KIAA1549: variants seen among roughly 807,000 people sequenced by gnomAD.
The protein encoded by KIAA1549 is UPF0606 protein KIAA1549.
KIAA1549 carries 70 observed loss-of-function variants against 156.4 expected under a neutral mutation model. That is an observed-to-expected ratio of 0.45 (90% CI 0.37 to 0.55). The LOEUF (loss-of-function observed/expected upper bound fraction) is 0.55, where lower values mean the gene tolerates loss of function less well. Ranked by LOEUF, KIAA1549 falls within the 20% of genes least tolerant of loss-of-function variation. The pLI, the probability that KIAA1549 is intolerant of heterozygous loss-of-function variation, is 0.00. For missense variants in KIAA1549, 2,428 were observed against 2,540.9 expected (o/e 0.96, Z 0.96); for synonymous variants, 1,103 against 1,066.4 (o/e 1.03, Z -0.67).
At position 138,917,123 on chromosome 7, in the gene KIAA1549, C is replaced by A; in HGVS notation, c.2503G>T (p.Gly835Cys). 1.2e-6 allele frequency: 2 copies of A among 1,612,860 alleles called. No homozygotes were observed. The highest frequency in any genetic ancestry group is 8.5e-7 in the Non-Finnish European group (1 of 1,179,440). Residue 835 changes from glycine to cysteine, a missense_variant, in exon 2 of 20, where the codon GGT (glycine) becomes TGT (cysteine). By Grantham distance (159) the Gly-to-Cys change is radical. Around this residue, in one of 5 missense-constraint regions of KIAA1549, gnomAD observed 762 missense variants for 901.6 expected, o/e 0.85. Coordinates refer to ENST00000422774, the MANE Select transcript of KIAA1549 (RefSeq NM_001164665.2). ...TACGCGTCAGTGATCAACACCGTAC[C>A]AGTGGGAATGGCTTTGGAGAAAGAG... The part of the protein sequence containing the change: ...LASFSKAIPT[G>C]TVLITDAYLP...
intron 1 of KIAA1549, among the ~76,000 whole-genome samples, chr7:138,966,437 T>TCACACAATC (rs1814028023): frequency 1.3e-5 from 2 of 151,888 alleles, no homozygotes; most frequent in African/African-American, 4.8e-5. Context: ...AGTATTAAAC[T>TCACACAATC]CACACAATCC....
intron 1 of KIAA1549, among the ~76,000 whole-genome samples, chr7:138,958,929 T>C (rs189446161): frequency 2.6e-3 from 397 of 152,284 alleles, no homozygotes; most frequent in African/African-American, 9.0e-3. Flanking sequence ...AGATAGAGTG[T>C]TGCTCTGTCA....
chr7:138,968,459 A>G (rs752436803), intron 1 of KIAA1549, among the ~76,000 whole-genome samples: 7 of 152,226 alleles, frequency 4.6e-5, no homozygotes, highest in Non-Finnish European at 1.0e-4. Context: ...GCAGCGATAT[A>G]TATTTTTAAA....
In KIAA1549 at chr7:138,831,542, G is replaced by A. The variant is rs1409783717; in HGVS notation, c.*6364C>T. The A allele has an allele frequency of 9.0e-6, 2 of 222,906 alleles. No homozygotes were observed. Among genetic ancestry groups the A allele is most frequent in the Non-Finnish European group, 1.8e-5 (2 of 111,656 alleles). The allele number at this position is 222,906 out of a possible 1,614,324, so 13.8% of individuals were successfully genotyped here. A position where few individuals can be genotyped will look rare whatever the true frequency, so the allele number is the denominator to read the frequency against. On this transcript the variant is annotated 3_prime_UTR_variant, in exon 20 of 20. Coordinates refer to ENST00000422774, the MANE Select transcript of KIAA1549 (RefSeq NM_001164665.2). ...TATTGAAGGATAGAAACATAAAACC[G>A]ACAAATAGAAGGGAGGGGCCGATTA... is the stretch of plus-strand genomic sequence containing the variant.
Position 138,905,004 on chromosome 7 carries a change from T to C in KIAA1549, c.3520+18A>G. The C allele has an allele frequency of 1.3e-6, 2 of 1,508,118 alleles. No homozygotes were observed. Among genetic ancestry groups the C allele is most frequent in the Non-Finnish European group, 1.8e-6 (2 of 1,104,892 alleles). 93.4% of individuals were successfully genotyped at this position (1,508,118 alleles called of 1,614,324 possible). On this transcript the variant is annotated intron_variant, in intron 7 of 19. Coordinates refer to ENST00000422774, the MANE Select transcript of KIAA1549 (RefSeq NM_001164665.2). The stretch of plus-strand genomic sequence containing the variant: ...CTTCTCCTTACAGTTCCCAAAATAT[T>C]ACATAAGTTAAACATACCTGTTCTG...
intron 10 of KIAA1549, 76 bp downstream of exon 10, chr7:138,894,266 C>A: frequency 7.2e-7 from 1 of 1,394,454 alleles, no homozygotes; most frequent in Non-Finnish European, 1.0e-6. Context: ...CTTTCAGTAT[C>A]AAGAGCCCAA....
At chr7:138,846,346 C>T (rs2130338812) in intron 17 of KIAA1549, among the ~76,000 whole-genome samples, 1 of 152,096 alleles carries the variant, frequency 6.6e-6, no homozygotes, top group South Asian at 2.1e-4. Flanking sequence ...ACCAGCCTGG[C>T]CAACATGGTG....
chr7:138,918,375 TGG>T lies in KIAA1549; in HGVS notation c.1249_1250del (p.Pro417IlefsTer49). 6.2e-7 allele frequency: 1 copy of T among 1,613,970 alleles called. No homozygotes were observed. The highest frequency in any genetic ancestry group is 1.1e-5 in the South Asian group (1 of 91,080). ...CAGTGCAGGCCGCACACCAAGTGTA[TGG>T]TCTGAATGAGGACACCGGGCTCAGG... Reference protein sequence around the residue: ...HILSPVSSFRPYTWCAACTVP... With the variant: ...HILSPVSSFRXYTWCAACTVP... On this transcript the variant is annotated frameshift_variant, in exon 2 of 20. Coordinates refer to ENST00000422774, the MANE Select transcript of KIAA1549 (RefSeq NM_001164665.2). LOFTEE classifies it high-confidence loss of function. The surrounding 1 kb of genome is among the most constrained non-coding windows in gnomAD (Gnocchi z 4.2).
At chr7:138,877,564 G>A (rs1811123791) in intron 12 of KIAA1549, among the ~76,000 whole-genome samples, 1 of 152,112 alleles carries the variant, frequency 6.6e-6, no homozygotes, top group Non-Finnish European at 1.5e-5. Context: ...TTTAAAATAG[G>A]ATATTTAATT....
intron 1 of KIAA1549, among the ~76,000 whole-genome samples, chr7:138,946,682 G>A (rs1325747373): frequency 1.3e-5 from 2 of 152,130 alleles, no homozygotes; most frequent in East Asian, 3.8e-4. Flanking sequence ...AGGAAGCTGA[G>A]GTGGGAGGAT....
At chr7:138,893,688 T>C (rs907332455) in intron 10 of KIAA1549, among the ~76,000 whole-genome samples, 41 of 152,360 alleles carry the variant, frequency 2.7e-4, no homozygotes, top group African/African-American at 8.2e-4. Flanking sequence ...ATAAAGCAAC[T>C]GACCAATGGA....
rs1198219777 is a variant in KIAA1549 at position 138,981,274 on chromosome 7, G to A, written c.-5C>T. 2.0e-6 allele frequency: 2 copies of A among 977,252 alleles called. No individual in the cohort carries two copies. Among genetic ancestry groups the A allele is most frequent in the East Asian group, 1.1e-4 (1 of 8,698 alleles). The allele number at this position is 977,252 out of a possible 1,614,324, so 60.5% of individuals were successfully genotyped here. ...TCGGCGCCGCGCCCCCGGCATTCCC[G>A]GCCGGCGCCCCGGCCCGGCCTCGCG... On this transcript the variant is annotated 5_prime_UTR_variant, in exon 1 of 20. Coordinates refer to ENST00000422774, the MANE Select transcript of KIAA1549 (RefSeq NM_001164665.2). This position sits in a 1 kb window ranked among gnomAD's most constrained non-coding sequence, Gnocchi z 4.5.
chr7:138,832,804 T>TC lies in KIAA1549; in HGVS notation c.*5101dup, dbSNP rs1354178168. The TC allele has an allele frequency of 4.5e-6, 1 of 224,462 alleles. No individual in the cohort carries two copies. Among genetic ancestry groups the TC allele is most frequent in the Non-Finnish European group, 8.9e-6 (1 of 112,724 alleles). The allele number at this position is 224,462 out of a possible 1,614,324, so 13.9% of individuals were successfully genotyped here. A position where few individuals can be genotyped will look rare whatever the true frequency, so the allele number is the denominator to read the frequency against. On this transcript the variant is annotated 3_prime_UTR_variant, in exon 20 of 20. Coordinates refer to ENST00000422774, the MANE Select transcript of KIAA1549 (RefSeq NM_001164665.2). ...TGATGTTGCGATTTCCAAGTCATCT[T>TC]CATAGTGGAGAAAGTAGTCCTGTTT...
At position 138,831,741 on chromosome 7, in the gene KIAA1549, T is replaced by G. The variant is rs567227871; in HGVS notation, c.*6165A>C. On this transcript the variant is annotated 3_prime_UTR_variant, in exon 20 of 20. Coordinates refer to ENST00000422774, the MANE Select transcript of KIAA1549 (RefSeq NM_001164665.2). ...GTGTGCAGGAAGAGCCAGAAAAACATGGACCTTGACAAAGGAGGGAGAGAC... is the reference window on the plus strand; with the variant it reads ...GTGTGCAGGAAGAGCCAGAAAAACAGGGACCTTGACAAAGGAGGGAGAGAC... 2 of 231,714 alleles carry G rather than the reference T, an allele frequency of 8.6e-6. No individual in the cohort carries two copies. Among genetic ancestry groups the G allele is most frequent in the Non-Finnish European group, 1.7e-5 (2 of 117,134 alleles). 14.4% of individuals were successfully genotyped at this position (231,714 alleles called of 1,614,324 possible).
chr7:138,850,941 T>C (rs992399362), intron 17 of KIAA1549, among the ~76,000 whole-genome samples: 1 of 152,214 alleles, frequency 6.6e-6, no homozygotes, highest in Non-Finnish European at 1.5e-5. Flanking sequence ...TGGTCCAGCA[T>C]ATGGTAAATT....
At position 138,911,255 on chromosome 7, in the gene KIAA1549, G is replaced by A. The variant is rs16873582; in HGVS notation, c.3036C>T (p.Ser1012=). 120,255 of 1,602,556 alleles carry A rather than the reference G, an allele frequency of 0.075. 4,849 individuals carry two copies. The highest frequency in any genetic ancestry group is 0.12 in the African/African-American group (9,332 of 74,808). ...TACTGTTTATAAGCACATTTATGAC[G>A]GATATTGCCGTGTAAACGAAAGGAC... The part of the protein sequence containing the change: ...TSGPFVYTAI[S]VINVLINSKL... Residue 1012 remains serine (S), a synonymous_variant, in exon 4 of 20, where the codon TCC becomes TCT. Transcript: ENST00000422774.
intron 10 of KIAA1549, among the ~76,000 whole-genome samples, chr7:138,891,064 G>GC (rs1811532396): frequency 6.6e-6 from 1 of 152,318 alleles, no homozygotes; most frequent in African/African-American, 2.4e-5. Context: ...CAAATGGGGT[G>GC]CCCCCCTCCT....
intron 1 of KIAA1549, among the ~76,000 whole-genome samples, chr7:138,931,763 A>C (rs1812879958): frequency 6.6e-6 from 1 of 151,572 alleles, no homozygotes; most frequent in East Asian, 1.9e-4. Context: ...AAAAAAAAAA[A>C]AAAAAAAAAA....
chr7:138,953,121 C>T (rs1421209696), intron 1 of KIAA1549, among the ~76,000 whole-genome samples: 2 of 152,130 alleles, frequency 1.3e-5, no homozygotes, highest in Non-Finnish European at 2.9e-5. Context: ...TTTCGGAGGC[C>T]GAGGCAGGTG....
Sources: gnomAD v4.1 joint callset for allele counts (sites outside exome capture counted in the v4.1 genomes callset) on GRCh38, gnomAD v4.1.1 for gene constraint, gnomAD v4.1.1 regional missense constraint, Gnocchi (gnomAD v3.1) non-coding constraint, MANE v1.5 for transcripts, NCBI Gene and HGNC (gene_info 2026-07-23, HGNC 2026-07-21) for gene names.